PHF21A: variants seen among roughly 807,000 people sequenced by gnomAD.
PHF21A encodes the protein PHD finger protein 21A, also known as BHC80a.
Under a neutral mutation model 82.5 loss-of-function variants are expected in PHF21A, and 11 were observed. That is an observed-to-expected ratio of 0.13 (90% CI 0.08 to 0.22). The LOEUF is 0.22. PHF21A is among the 10% of genes least tolerant of loss of function. The probability of loss-of-function intolerance (pLI) is 1.00; values close to 1 mark genes in which losing one functional copy is unlikely to be tolerated. For synonymous variants in PHF21A, 297 were observed against 302.8 expected, an observed-to-expected ratio of 0.98 and a Z score of 0.20; for missense variants, 579 against 837.8, an observed-to-expected ratio of 0.69 and a Z score of 3.81.
At chr11:46,037,161 T>C (rs2096022430) in intron 6 of PHF21A, among the ~76,000 whole-genome samples, 1 of 152,240 alleles carries the variant, frequency 6.6e-6, no homozygotes, top group South Asian at 2.1e-4. Flanking sequence ...GATTCTTTAA[T>C]TCTGACTAAT....
chr11:46,042,263 T>G (rs1317739170), intron 6 of PHF21A, among the ~76,000 whole-genome samples: 1 of 152,154 alleles, frequency 6.6e-6, no homozygotes, highest in East Asian at 1.9e-4. Context: ...TTCCATATTT[T>G]TACGAATACT....
intron 7 of PHF21A, 104 bp downstream of exon 7, chr11:45,979,656 T>C: frequency 6.5e-7 from 1 of 1,531,846 alleles, no homozygotes; most frequent in Non-Finnish European, 9.0e-7. Context: ...TTTTGTTTAG[T>C]TCTAGCTGAG....
intron 5 of PHF21A, among the ~76,000 whole-genome samples, chr11:46,078,769 G>C (rs2096757096): frequency 6.6e-6 from 1 of 151,748 alleles, no homozygotes; most frequent in Non-Finnish European, 1.5e-5. Flanking sequence ...AATGGTTTGG[G>C]GTCTCTTTTC....
chr11:46,037,180 C>CA, intron 6 of PHF21A, among the ~76,000 whole-genome samples: 1 of 152,152 alleles, frequency 6.6e-6, no homozygotes, highest in East Asian at 1.9e-4. Flanking sequence ...ATTCGGTGCA[C>CA]ATCCCTACCA....
chr11:46,121,322 C>G lies in PHF21A; in HGVS notation c.-624G>C, dbSNP rs1853223897. 1 of 151,236 alleles carries G rather than the reference C, an allele frequency of 6.6e-6. No individual in the cohort carries two copies. Among genetic ancestry groups the G allele is most frequent in the Admixed American group, 6.6e-5 (1 of 15,142 alleles). The allele number at this position is 151,236 out of a possible 1,614,324, so 9.4% of individuals were successfully genotyped here. A position where few individuals can be genotyped will look rare whatever the true frequency, so the allele number is the denominator to read the frequency against. Reference sequence around the variant, plus strand: ...ACACACACAGGCCCCGGGCCGGAATCGGGAGGGGGGAATCAGAGCAGCAGG... The same window carrying G: ...ACACACACAGGCCCCGGGCCGGAATGGGGAGGGGGGAATCAGAGCAGCAGG... On this transcript the variant is annotated 5_prime_UTR_variant, in exon 1 of 19. Transcript: ENST00000676320.
At chr11:46,008,972 T>G (rs905506351) in intron 6 of PHF21A, among the ~76,000 whole-genome samples, 2 of 65,606 alleles carry the variant, frequency 3.0e-5, no homozygotes, top group African/African-American at 7.2e-5. Flanking sequence ...CACATTTCAC[T>G]TTTTTTTTTT....
intron 16 of PHF21A, among the ~76,000 whole-genome samples, chr11:45,937,701 G>A (rs1003735737): frequency 6.6e-6 from 1 of 152,246 alleles, no homozygotes; most frequent in Non-Finnish European, 1.5e-5. Context: ...GGCTGGTCTC[G>A]AACTCCTGAC....
At chr11:46,027,134 G>T (rs779142349) in intron 6 of PHF21A, 1 of 152,120 alleles carries the variant, frequency 6.6e-6, no homozygotes, top group Non-Finnish European at 1.5e-5. Context: ...ATTATAAATA[G>T]GCTGCCAATC....
chr11:45,956,737 A>C (rs1053658558), intron 10 of PHF21A, among the ~76,000 whole-genome samples: 16 of 152,198 alleles, frequency 1.1e-4, no homozygotes, highest in African/African-American at 2.9e-4. Context: ...TCAAACAAAA[A>C]AGGCAGTATT....
chr11:46,041,776 C>T (rs987131019), intron 6 of PHF21A, among the ~76,000 whole-genome samples: 2 of 152,140 alleles, frequency 1.3e-5, no homozygotes, highest in African/African-American at 4.8e-5. Flanking sequence ...TACCCTTCCA[C>T]GCTCCCTGAA....
intron 6 of PHF21A, among the ~76,000 whole-genome samples, chr11:46,014,589 T>C (rs1437754354): frequency 6.6e-6 from 1 of 152,200 alleles, no homozygotes; most frequent in Non-Finnish European, 1.5e-5. Context: ...AATCTCCAAA[T>C]GGCCGAGGCT....
At position 45,938,205 on chromosome 11, in the gene PHF21A, C is replaced by G; in HGVS notation, c.1560G>C (p.Leu520=). ...TCCACATGCCCTTGGGAATTGTTTT[C>G]AGAGGGGGGTCTAAGCAGTCCAAAT... ...VYHLDCLDPP[L]KTIPKGMWIC... The change falls in exon 16 of 19, where the codon CTG becomes CTC. Residue 520 remains leucine (L), a synonymous_variant. Transcript: ENST00000676320. The G allele has an allele frequency of 6.2e-7, 1 of 1,606,922 alleles. No homozygotes were observed. The highest frequency in any genetic ancestry group is 8.5e-7 in the Non-Finnish European group (1 of 1,176,842).
rs937735371 is a variant in PHF21A, at chr11:45,950,327, G to C, written c.1096-70C>G. On this transcript the variant is annotated intron_variant, in intron 11 of 18. Transcript: ENST00000676320. ...TCACAAAGCCAATTGCCAGTTCCTA[G>C]TAGGACATTAGGGAAAGCCAGCCCA... is the stretch of plus-strand genomic sequence containing the variant. 2.5e-5 allele frequency: 35 copies of C among 1,376,256 alleles called. No individual in the cohort carries two copies. The East Asian group carries it at 8.1e-4, about 32-fold the overall frequency. 85.3% of individuals were successfully genotyped at this position (1,376,256 alleles called of 1,614,324 possible).
chr11:45,963,986 G>A (rs192436479), intron 10 of PHF21A, among the ~76,000 whole-genome samples: 1 of 152,074 alleles, frequency 6.6e-6, no homozygotes, highest in East Asian at 1.9e-4. Context: ...GTCACTTGAG[G>A]TTGGGAGTTT....
chr11:45,958,758 A>G (rs2092891252), intron 10 of PHF21A, among the ~76,000 whole-genome samples: 1 of 151,974 alleles, frequency 6.6e-6, no homozygotes, highest in Non-Finnish European at 1.5e-5. Flanking sequence ...TCTACATAAA[A>G]TTTAACAAAA....
At chr11:46,022,761 T>C (rs1295797744) in intron 6 of PHF21A, among the ~76,000 whole-genome samples, 2 of 152,158 alleles carry the variant, frequency 1.3e-5, no homozygotes, top group Non-Finnish European at 2.9e-5. Context: ...TGATCCACTG[T>C]GCCCGGCTCA....
rs1256706233 is a variant in PHF21A, at chr11:45,930,820, AGAGCAGC to A, written c.*3141_*3147del. 1 of 152,378 alleles carries A rather than the reference AGAGCAGC, an allele frequency of 6.6e-6. No homozygotes were observed. Among genetic ancestry groups the A allele is most frequent in the African/African-American group, 2.4e-5 (1 of 41,424 alleles). The allele number at this position is 152,378 out of a possible 1,614,324, so 9.4% of individuals were successfully genotyped here. On this transcript the variant is annotated 3_prime_UTR_variant, in exon 19 of 19. Transcript: ENST00000676320. ...CAGCTAAATTCTGGGCCGTGGGGAAAGAGCAGCGGAGGGAAGGAGGAGGAAGCAAGTG... is the reference window on the plus strand; with the variant it reads ...CAGCTAAATTCTGGGCCGTGGGGAAAGGAGGGAAGGAGGAGGAAGCAAGTG...
chr11:45,990,801 G>A (rs187827155), intron 6 of PHF21A, among the ~76,000 whole-genome samples: 8 of 151,332 alleles, frequency 5.3e-5, no homozygotes, highest in Admixed American at 2.6e-4. Flanking sequence ...ACATACTCCT[G>A]GCCTCCCCAC....
In PHF21A at chr11:45,932,875, A is replaced by G. The variant is rs1023466921; in HGVS notation, c.*1093T>C. 6.6e-6 allele frequency: 1 copy of G among 152,606 alleles called. No homozygotes were observed. The highest frequency in any genetic ancestry group is 1.5e-5 in the Non-Finnish European group (1 of 68,034). The allele number at this position is 152,606 out of a possible 1,614,324, so 9.5% of individuals were successfully genotyped here. A position where few individuals can be genotyped will look rare whatever the true frequency, so the allele number is the denominator to read the frequency against. The stretch of plus-strand genomic sequence containing the variant: ...CTTGGCTACCCTTAATTGGACTGTC[A>G]GCCTGAAAAACAGCTTTTCTATTCC... On this transcript the variant is annotated 3_prime_UTR_variant, in exon 19 of 19. Transcript: ENST00000676320. This position sits in a 1 kb window ranked among gnomAD's most constrained non-coding sequence, Gnocchi z 4.3.
Sources: gnomAD v4.1 joint callset for allele counts (sites outside exome capture counted in the v4.1 genomes callset) on GRCh38, gnomAD v4.1.1 for gene constraint, Gnocchi (gnomAD v3.1) non-coding constraint, MANE v1.5 for transcripts, NCBI Gene and HGNC (gene_info 2026-07-23, HGNC 2026-07-21) for gene names.